UGGT1: variants seen among roughly 807,000 people sequenced by gnomAD.
UGGT1 encodes the protein UDP-glucose glycoprotein glucosyltransferase 1, also known as UDP-glucose:glycoprotein glucosyltransferase 1.
In UGGT1, 107 loss-of-function variants were observed where a neutral mutation model predicts 203.9. The ratio of observed to expected loss-of-function variants is 0.52; its 90% confidence interval spans 0.45 to 0.62. The LOEUF is 0.62. Ranked by LOEUF, UGGT1 falls within the 20% of genes least tolerant of loss-of-function variation. The probability of loss-of-function intolerance (pLI) is 0.00; values close to 1 mark genes in which losing one functional copy is unlikely to be tolerated. For missense variants in UGGT1, 1,673 were observed against 1,867.2 expected (o/e 0.90, Z 1.92); for synonymous variants, 628 against 653.5 (o/e 0.96, Z 0.59).
chr2:128,094,724 C>T (rs898039245), intron 1 of UGGT1, among the ~76,000 whole-genome samples: 10 of 140,730 alleles, frequency 7.1e-5, no homozygotes, highest in Non-Finnish European at 1.1e-4. Context: ...TATGGTTAGT[C>T]CTAAGAGAAT....
At chr2:128,184,829 G>T (rs1026611750) in intron 38 of UGGT1, among the ~76,000 whole-genome samples, 1 of 151,990 alleles carries the variant, frequency 6.6e-6, no homozygotes, top group Non-Finnish European at 1.5e-5. Context: ...TTACAGGCAC[G>T]CACCACCACT....
intron 18 of UGGT1, chr2:128,151,341 CT>C: frequency 2.0e-6 from 1 of 511,466 alleles, no homozygotes; most frequent in South Asian, 1.7e-5. Flanking sequence ...CCTGCCACGC[CT>C]TCCCCAGGCC....
At chr2:128,091,704 C>A in intron 1 of UGGT1, 1 of 841,350 alleles carries the variant, frequency 1.2e-6, no homozygotes, top group Non-Finnish European at 1.7e-6. Flanking sequence ...GGGAGGTATC[C>A]TACCATGGAT....
chr2:128,100,467 C>T (rs749639320), intron 2 of UGGT1, among the ~76,000 whole-genome samples: 6 of 151,928 alleles, frequency 3.9e-5, no homozygotes, highest in Non-Finnish European at 5.9e-5. Flanking sequence ...AGTGCAATGG[C>T]GTGATCTCGG....
intron 1 of UGGT1, 50 bp from the exon 2 acceptor site, chr2:128,097,379 A>G (rs1198980904): frequency 6.3e-7 from 1 of 1,583,188 alleles, no homozygotes; most frequent in Non-Finnish European, 8.6e-7. Flanking sequence ...CGTCTCAAAA[A>G]AAAAAAAAAT....
At chr2:128,135,068 A>C in intron 15 of UGGT1, 107 bp downstream of exon 15, 2 of 928,806 alleles carry the variant, frequency 2.2e-6, no homozygotes, top group East Asian at 5.2e-5. Context: ...TTAATAGTGC[A>C]CATCACTAAT....
chr2:128,146,004 C>T, intron 18 of UGGT1, 37 bp downstream of exon 18: 5 of 1,611,458 alleles, frequency 3.1e-6, no homozygotes, highest in Non-Finnish European at 4.2e-6. Flanking sequence ...TTAAAGAGAA[C>T]AGTTGGCTTA....
intron 3 of UGGT1, among the ~76,000 whole-genome samples, chr2:128,106,716 A>T (rs953000169): frequency 4.7e-4 from 72 of 152,080 alleles, no homozygotes; most frequent in African/African-American, 1.6e-3. Context: ...CCCGTGGCTA[A>T]TTTTTATATT....
chr2:128,193,271 T>C lies in UGGT1; in HGVS notation c.*3529T>C, dbSNP rs183555298. On this transcript the variant is annotated 3_prime_UTR_variant, in exon 41 of 41. Coordinates refer to ENST00000259253, the MANE Select transcript of UGGT1 (RefSeq NM_020120.4). Reference sequence around the variant, plus strand: ...CCTTAAGCCCTCGTGGGTTTTTTTTTAAGAGAGTCTCATTCTGTCACCCAG... The same window carrying C: ...CCTTAAGCCCTCGTGGGTTTTTTTTCAAGAGAGTCTCATTCTGTCACCCAG... The C allele has an allele frequency of 2.0e-5, 3 of 151,322 alleles. No individual in the cohort carries two copies. Among genetic ancestry groups the C allele is most frequent in the Admixed American group, 2.0e-4 (3 of 15,170 alleles). The allele number at this position is 151,322 out of a possible 1,614,324, so 9.4% of individuals were successfully genotyped here. A position where few individuals can be genotyped will look rare whatever the true frequency, so the allele number is the denominator to read the frequency against.
At chr2:128,178,933 T>A (rs1478715703) in intron 34 of UGGT1, among the ~76,000 whole-genome samples, 1 of 152,174 alleles carries the variant, frequency 6.6e-6, no homozygotes, top group East Asian at 1.9e-4. Flanking sequence ...TTGTAAAGAT[T>A]CACAGGATTT....
Position 128,182,729 on chromosome 2 carries a change from A to C in UGGT1, c.4244+439A>C, listed in dbSNP as rs908677972. Among the ~76,000 whole-genome samples, 119 of 147,090 alleles carry C rather than the reference A, an allele frequency of 8.1e-4. 1 individual carries two copies. Among genetic ancestry groups the C allele is most frequent in the African/African-American group, 2.8e-3 (114 of 40,102 alleles). On this transcript the variant is annotated intron_variant, in intron 37 of 40. Transcript: ENST00000259253. ...AAAAAAAAAATACAGTGTAAAAAAA[A>C]CTTCCTAATCCTGTCTCTCTCTTTC...
intron 24 of UGGT1, 132 bp from the exon 25 acceptor site, chr2:128,161,006 C>T: frequency 9.9e-7 from 1 of 1,014,106 alleles, no homozygotes; most frequent in Non-Finnish European, 1.4e-6. Context: ...TTTATCTAAA[C>T]ATGTACCTGT....
chr2:128,143,130 G>A lies in UGGT1; in HGVS notation c.1756G>A (p.Val586Ile). 1 of 1,613,752 alleles carries A rather than the reference G, an allele frequency of 6.2e-7. No individual in the cohort carries two copies. Among genetic ancestry groups the A allele is most frequent in the South Asian group, 1.1e-5 (1 of 90,974 alleles). ...NKVRTGEKVK[V>I]EHVVSVLEKK... ...GGTGAGGACTGGAGAAAAAGTGAAA[G>A]TTGAACATGTGGTCAGTGTCCTGGA... The change falls in exon 17 of 41, where the codon GTT (valine) becomes ATT (isoleucine). Residue 586 changes from valine to isoleucine, a missense_variant. This residue lies in a region of UGGT1 where 1,073 missense variants were observed against 1,078.7 expected (regional missense o/e 0.99). Coordinates refer to ENST00000259253, the MANE Select transcript of UGGT1 (RefSeq NM_020120.4).
intron 3 of UGGT1, among the ~76,000 whole-genome samples, chr2:128,105,237 A>G (rs1687551421): frequency 6.6e-6 from 1 of 151,064 alleles, no homozygotes; most frequent in Non-Finnish European, 1.5e-5. Flanking sequence ...TATTTTAAAA[A>G]TTGTCTGAAT....
intron 1 of UGGT1, 24 bp downstream of exon 1, chr2:128,091,439 G>A: frequency 1.3e-6 from 2 of 1,570,492 alleles, no homozygotes; most frequent in Non-Finnish European, 1.7e-6. Context: ...GCGTGAGGAG[G>A]CCTCGTGGAC....
intron 28 of UGGT1, 64 bp from the exon 29 acceptor site, chr2:128,172,509 G>C: frequency 2.0e-6 from 3 of 1,535,142 alleles, no homozygotes; most frequent in Non-Finnish European, 2.7e-6. Flanking sequence ...CCTGTGTAAG[G>C]GCTGTGCACT....
intron 30 of UGGT1, among the ~76,000 whole-genome samples, chr2:128,174,471 G>A (rs1196134434): frequency 1.3e-5 from 2 of 151,914 alleles, no homozygotes; most frequent in Admixed American, 6.6e-5. Context: ...GCTAATTTTT[G>A]TCCTTTTTTA....
At chr2:128,092,059 G>A (rs1347215727) in intron 1 of UGGT1, among the ~76,000 whole-genome samples, 1 of 152,114 alleles carries the variant, frequency 6.6e-6, no homozygotes. Context: ...GGGGTCTTTT[G>A]CCTTATTGTG....
intron 16 of UGGT1, 76 bp downstream of exon 16, chr2:128,138,928 T>C (rs931433710): frequency 6.4e-7 from 1 of 1,566,356 alleles, no homozygotes; most frequent in Admixed American, 1.7e-5. Context: ...GGTCATTGTA[T>C]GCTAGGCAGC....
Sources: allele counts gnomAD v4.1 joint callset (sites outside exome capture counted in the v4.1 genomes callset), GRCh38; gene constraint gnomAD v4.1.1; regional missense constraint gnomAD v4.1.1; transcripts MANE v1.5; gene names NCBI Gene and HGNC (gene_info 2026-07-23, HGNC 2026-07-21).